STK4: variants seen among roughly 807,000 people sequenced by gnomAD.
STK4 encodes serine/threonine kinase 4.
STK4 carries 30 observed loss-of-function variants against 64.9 expected under a neutral mutation model. The observed-to-expected ratio is 0.46, with a 90% CI of 0.35 to 0.63. The LOEUF (loss-of-function observed/expected upper bound fraction) is 0.63, where lower values mean the gene tolerates loss of function less well. Ranked by LOEUF, STK4 falls within the 20% of genes least tolerant of loss-of-function variation. STK4 has a pLI of 0.01. For synonymous variants in STK4, 177 were observed against 199.0 expected (o/e 0.89, Z 0.93); for missense variants, 466 against 598.5 (o/e 0.78, Z 2.31).
At chr20:45,024,341 C>CA (rs2068306067) in intron 9 of STK4, among the ~76,000 whole-genome samples, 1 of 151,140 alleles carries the variant, frequency 6.6e-6, no homozygotes, top group Non-Finnish European at 1.5e-5. Context: ...TTTATAGAGT[C>CA]AAAATCATAC....
At chr20:45,064,118 G>A (rs1369232962) in intron 10 of STK4, among the ~76,000 whole-genome samples, 1 of 152,014 alleles carries the variant, frequency 6.6e-6, no homozygotes, top group African/African-American at 2.4e-5. Context: ...AAGGGGGGGG[G>A]TCCAGTTTTA....
intron 7 of STK4, among the ~76,000 whole-genome samples, 161 bp downstream of exon 7, chr20:44,997,467 A>G (rs1052814693): frequency 6.6e-5 from 10 of 152,204 alleles, no homozygotes; most frequent in African/African-American, 2.4e-4. Context: ...TGAGGCAGGT[A>G]TATTGCTTGA....
chr20:44,969,944 A>AT (rs1380439546), intron 1 of STK4, among the ~76,000 whole-genome samples: 1 of 152,206 alleles, frequency 6.6e-6, no homozygotes, highest in Non-Finnish European at 1.5e-5. Flanking sequence ...TGCTGATGAA[A>AT]TTCGTGATTC....
chr20:45,056,880 A>C (rs1241101415), intron 10 of STK4, among the ~76,000 whole-genome samples: 3 of 152,254 alleles, frequency 2.0e-5, no homozygotes, highest in Non-Finnish European at 4.4e-5. Flanking sequence ...TCATTGGAGA[A>C]GATGTGGTTC....
At chr20:45,010,392 T>C (rs1352803897) in intron 9 of STK4, among the ~76,000 whole-genome samples, 2 of 152,310 alleles carry the variant, frequency 1.3e-5, no homozygotes, top group African/African-American at 4.8e-5. Flanking sequence ...ATGTAACTTA[T>C]GTGTTATACT....
intron 9 of STK4, among the ~76,000 whole-genome samples, chr20:45,020,816 CTT>C (rs35088723): frequency 6.1e-4 from 88 of 144,876 alleles, no homozygotes; most frequent in African/African-American, 1.5e-3. Flanking sequence ...ATATACAAGA[CTT>C]TTTTTTTTTT....
chr20:45,030,399 C>G (rs1050115803), intron 10 of STK4, among the ~76,000 whole-genome samples: 1 of 152,104 alleles, frequency 6.6e-6, no homozygotes, highest in East Asian at 1.9e-4. Flanking sequence ...CCACCGGGCC[C>G]AGCCTCCTTC....
chr20:45,011,706 TAC>T (rs1241506333), intron 9 of STK4, among the ~76,000 whole-genome samples: 2 of 96,230 alleles, frequency 2.1e-5, no homozygotes, highest in East Asian at 2.5e-4. Flanking sequence ...GTGTAGAACA[TAC>T]ATATATATAT....
At chr20:44,997,395 A>G (rs2067754246) in intron 7 of STK4, 89 bp downstream of exon 7, 7 of 1,487,702 alleles carry the variant, frequency 4.7e-6, no homozygotes, top group East Asian at 2.3e-5. Context: ...GGAGATAGTA[A>G]AGAAGTATAA....
At chr20:45,046,071 T>G (rs1238259458) in intron 10 of STK4, among the ~76,000 whole-genome samples, 3 of 152,124 alleles carry the variant, frequency 2.0e-5, no homozygotes, top group African/African-American at 7.2e-5. Context: ...CCTCCCAAAG[T>G]GCTGGGATTA....
chr20:45,008,255 A>G (rs1312711383), intron 9 of STK4, among the ~76,000 whole-genome samples: 2 of 152,106 alleles, frequency 1.3e-5, no homozygotes, highest in Non-Finnish European at 2.9e-5. Flanking sequence ...GGGTTTCACC[A>G]TGTCGTCCAG....
At chr20:45,065,380 T>G (rs1345395186) in intron 10 of STK4, among the ~76,000 whole-genome samples, 1 of 152,196 alleles carries the variant, frequency 6.6e-6, no homozygotes, top group Non-Finnish European at 1.5e-5. Flanking sequence ...TTCACATCCA[T>G]GTTCCTCGAG....
chr20:44,989,046 AT>A (rs2067587721), intron 5 of STK4, among the ~76,000 whole-genome samples: 1 of 152,028 alleles, frequency 6.6e-6, no homozygotes, highest in Non-Finnish European at 1.5e-5. Flanking sequence ...GAATATTTAG[AT>A]TGTTTCTGCT....
chr20:45,000,144 G>A (rs910250647), intron 7 of STK4, among the ~76,000 whole-genome samples: 9 of 152,096 alleles, frequency 5.9e-5, no homozygotes, highest in Middle Eastern at 3.2e-3. Flanking sequence ...ATTGAGAATC[G>A]CTAGATTTGA....
At chr20:45,015,144 G>A (rs2068118013) in intron 9 of STK4, among the ~76,000 whole-genome samples, 1 of 152,144 alleles carries the variant, frequency 6.6e-6, no homozygotes, top group African/African-American at 2.4e-5. Context: ...TTTCATGAAG[G>A]CACCTATTGT....
intron 9 of STK4, among the ~76,000 whole-genome samples, chr20:45,018,548 A>AGTTAAG (rs2068185190): frequency 6.6e-6 from 1 of 152,132 alleles, no homozygotes; most frequent in Admixed American, 6.5e-5. Flanking sequence ...AAGAGCAAAT[A>AGTTAAG]GTTAAGGAAA....
At chr20:44,986,289 T>C (rs1371200407) in intron 4 of STK4, among the ~76,000 whole-genome samples, 1 of 152,056 alleles carries the variant, frequency 6.6e-6, no homozygotes, top group East Asian at 1.9e-4. Context: ...GAGGAGGTGA[T>C]ATTTGGGCAG....
intron 8 of STK4, among the ~76,000 whole-genome samples, 155 bp from the exon 9 acceptor site, chr20:45,001,012 C>A (rs552013868): frequency 2.8e-4 from 42 of 152,284 alleles, no homozygotes; most frequent in African/African-American, 9.6e-4. Flanking sequence ...GTCTTCTTTG[C>A]TTAAGTAACA....
At chr20:45,072,550 TTTTGTTTG>T (rs941709587) in intron 10 of STK4, among the ~76,000 whole-genome samples, 4 of 152,184 alleles carry the variant, frequency 2.6e-5, no homozygotes, top group Non-Finnish European at 5.9e-5. Context: ...GGGCACTGCT[TTTTGTTTG>T]TTTGTTTGTT....
Sources: gnomAD v4.1 joint callset for allele counts (sites outside exome capture counted in the v4.1 genomes callset) on GRCh38, gnomAD v4.1.1 for gene constraint, MANE v1.5 for transcripts, NCBI Gene and HGNC (gene_info 2026-07-23, HGNC 2026-07-21) for gene names.